Variants in TMEM38A observed in about 807,000 individuals in gnomAD.
TMEM38A encodes transmembrane protein 38A.
A neutral mutation model predicts 28.6 loss-of-function variants in TMEM38A; 17 were observed. That is an observed-to-expected ratio of 0.60 (90% CI 0.41 to 0.89). The LOEUF is 0.89. TMEM38A is among the 40% of genes least tolerant of loss of function. The pLI, the probability that TMEM38A is intolerant of heterozygous loss-of-function variation, is 0.00. For synonymous variants in TMEM38A, 169 were observed against 166.1 expected, an observed-to-expected ratio of 1.02 and a Z score of -0.14; for missense variants, 328 against 393.1, an observed-to-expected ratio of 0.83 and a Z score of 1.40.
intron 5 of TMEM38A, among the ~76,000 whole-genome samples, chr19:16,686,631 C>G (rs746886474): frequency 2.6e-5 from 4 of 152,056 alleles, no homozygotes; most frequent in Non-Finnish European, 4.4e-5. Context: ...AAGGACCCAG[C>G]CTGAGCCAGG....
intron 5 of TMEM38A, among the ~76,000 whole-genome samples, chr19:16,687,322 ACT>A (rs2086806048): frequency 6.6e-6 from 1 of 152,010 alleles, no homozygotes. Context: ...ACAAATTGAG[ACT>A]CTGTCTCAAA....
rs145844119 is a variant in TMEM38A at position 16,688,210 on chromosome 19, G to T, written c.739G>T (p.Val247Leu). 3.8e-6 allele frequency: 6 copies of T among 1,571,234 alleles called. No homozygotes were observed. The highest frequency in any genetic ancestry group is 5.2e-6 in the Non-Finnish European group (6 of 1,157,222). ...TGCCCTGGAGGGCTACATCTGCCCCGTGCTGTTTGGTTCGGCCTGCGGGGG... is the reference window on the plus strand; with the variant it reads ...TGCCCTGGAGGGCTACATCTGCCCCTTGCTGTTTGGTTCGGCCTGCGGGGG... ...FDALEGYICPVLFGSACGGDH... is the reference protein window; with the variant it reads ...FDALEGYICPLLFGSACGGDH... Residue 247 changes from valine (V) to leucine (L), a missense_variant, in exon 6 of 6, where the codon GTG becomes TTG. Physicochemically the swap from Val to Leu is conservative, Grantham distance 32. Transcript: ENST00000187762.
chr19:16,669,031 T>C (rs1274123381), intron 1 of TMEM38A, among the ~76,000 whole-genome samples: 1 of 151,952 alleles, frequency 6.6e-6, no homozygotes, highest in South Asian at 2.1e-4. Context: ...GGTTTCTCCA[T>C]GTTGGCCAGG....
intron 3 of TMEM38A, 85 bp from the exon 4 acceptor site, chr19:16,682,336 G>A: frequency 2.8e-6 from 3 of 1,088,718 alleles, no homozygotes; most frequent in South Asian, 2.5e-5. Context: ...TTCTGGGAGT[G>A]GAGAGACTGC....
chr19:16,669,820 C>T (rs990489513), intron 1 of TMEM38A, among the ~76,000 whole-genome samples: 1 of 152,124 alleles, frequency 6.6e-6, no homozygotes, highest in Non-Finnish European at 1.5e-5. Flanking sequence ...TAGTACCACC[C>T]AGTCATCTGC....
Position 16,672,593 on chromosome 19 carries a change from C to T in TMEM38A, c.125-7391C>T, listed in dbSNP as rs377158301. On this transcript the variant is annotated intron_variant, in intron 1 of 5. Coordinates refer to ENST00000187762, the MANE Select transcript of TMEM38A (RefSeq NM_024074.4). ...CTTCCCAAGTAGCTGAGATTACAGG[C>T]GCATGCCACCACGCCCGGCTACTTT... is the stretch of plus-strand genomic sequence containing the variant. Among the ~76,000 whole-genome samples, 21 of 150,816 alleles carry T rather than the reference C, an allele frequency of 1.4e-4. No individual in the cohort carries two copies. The East Asian group carries it at 3.1e-3, about 22-fold the overall frequency.
At chr19:16,683,351 G>T (rs1349055187) in intron 4 of TMEM38A, among the ~76,000 whole-genome samples, 1 of 151,978 alleles carries the variant, frequency 6.6e-6, no homozygotes. Context: ...CACTTTGGGA[G>T]GCCAAGCCTG....
At chr19:16,684,058 A>G (rs1394631799) in intron 4 of TMEM38A, among the ~76,000 whole-genome samples, 5 of 151,900 alleles carry the variant, frequency 3.3e-5, no homozygotes, top group Non-Finnish European at 1.5e-5. Flanking sequence ...TGAACCCGGG[A>G]GGCAGAGGTT....
chr19:16,684,992 T>C (rs1266279872), intron 4 of TMEM38A, among the ~76,000 whole-genome samples: 1 of 151,142 alleles, frequency 6.6e-6, no homozygotes, highest in East Asian at 1.9e-4. Flanking sequence ...GAAGTTACAG[T>C]GAGCCATGAT....
rs1264058348 is a variant in TMEM38A at position 16,661,391 on chromosome 19, C to CGGGGCAGCTCGGGGGTCGCAGAGA, written c.124+55_124+78dup. On this transcript the variant is annotated intron_variant, in intron 1 of 5. Coordinates refer to ENST00000187762, the MANE Select transcript of TMEM38A (RefSeq NM_024074.4). This position sits in a 1 kb window ranked among gnomAD's most constrained non-coding sequence, Gnocchi z 6.5. Reference sequence around the variant, plus strand: ...GGGACCGGCAGCGGGTGGCGCGGGCCGGGGCAGCTCGGGGGTCGCAGAGAG... The same window carrying CGGGGCAGCTCGGGGGTCGCAGAGA: ...GGGACCGGCAGCGGGTGGCGCGGGCCGGGGCAGCTCGGGGGTCGCAGAGAGGGGCAGCTCGGGGGTCGCAGAGAG... 1 of 1,398,470 alleles carries CGGGGCAGCTCGGGGGTCGCAGAGA rather than the reference C, an allele frequency of 7.2e-7. No homozygotes were observed. The allele number at this position is 1,398,470 out of a possible 1,614,324, so 86.6% of individuals were successfully genotyped here.
chr19:16,680,175 G>A (rs769920107), intron 2 of TMEM38A, 35 bp downstream of exon 2: 1 of 1,595,902 alleles, frequency 6.3e-7, no homozygotes. Context: ...GCAGAGCCGG[G>A]TGGGGGAAAC....
intron 1 of TMEM38A, among the ~76,000 whole-genome samples, chr19:16,662,277 C>T (rs984416745): frequency 4.6e-5 from 7 of 151,998 alleles, no homozygotes; most frequent in South Asian, 2.1e-4. Context: ...TAGCTTTATT[C>T]TCAGAGGATA....
Position 16,661,477 on chromosome 19 carries a change from A to T in TMEM38A, c.124+136A>T. 4.2e-6 allele frequency: 3 copies of T among 718,122 alleles called. No homozygotes were observed. The highest frequency in any genetic ancestry group is 6.1e-6 in the Non-Finnish European group (3 of 493,052). The allele number at this position is 718,122 out of a possible 1,614,324, so 44.5% of individuals were successfully genotyped here. The stretch of plus-strand genomic sequence containing the variant: ...GGTTCAAGGATTGCATCGTGGGAGT[A>T]GGCAGGCGCTAGAATCGTGGGGTTC... On this transcript the variant is annotated intron_variant, in intron 1 of 5. Transcript: ENST00000187762. The surrounding 1 kb of genome is among the most constrained non-coding windows in gnomAD (Gnocchi z 6.5).
At chr19:16,686,952 G>C (rs2086804478) in intron 5 of TMEM38A, among the ~76,000 whole-genome samples, 1 of 152,162 alleles carries the variant, frequency 6.6e-6, no homozygotes, top group Non-Finnish European at 1.5e-5. Flanking sequence ...GTCCTGCTAT[G>C]TTTGTAGCTC....
intron 5 of TMEM38A, among the ~76,000 whole-genome samples, chr19:16,686,940 C>A (rs2086804399): frequency 1.3e-5 from 2 of 152,266 alleles, no homozygotes; most frequent in Admixed American, 1.3e-4. Context: ...GGCTGGGATC[C>A]TGTCCTGCTA....
At position 16,661,695 on chromosome 19, in the gene TMEM38A, C is replaced by T. The variant is rs1568311538; in HGVS notation, c.124+354C>T. On this transcript the variant is annotated intron_variant, in intron 1 of 5. Transcript: ENST00000187762. The surrounding 1 kb of genome is among the most constrained non-coding windows in gnomAD (Gnocchi z 6.5). ...AGGGTGCAGGTGGGGGTCGGTGCAT[C>T]TGTTCTGGCCGCGCGCAGGTGTGAC... is the stretch of plus-strand genomic sequence containing the variant. Among the ~76,000 whole-genome samples, 1 of 152,004 alleles carries T rather than the reference C, an allele frequency of 6.6e-6. No homozygotes were observed. Among genetic ancestry groups the T allele is most frequent in the Non-Finnish European group, 1.5e-5 (1 of 67,982 alleles).
intron 4 of TMEM38A, among the ~76,000 whole-genome samples, chr19:16,683,338 C>G (rs991784721): frequency 1.1e-4 from 16 of 151,922 alleles, no homozygotes; most frequent in African/African-American, 3.9e-4. Flanking sequence ...CCTGTAATCT[C>G]TGCACTTTGG....
chr19:16,662,436 CTTT>C (rs35226829), intron 1 of TMEM38A, among the ~76,000 whole-genome samples: 30 of 75,832 alleles, frequency 4.0e-4, no homozygotes, highest in Middle Eastern at 0.013. Context: ...TAAATGCACG[CTTT>C]TTTTTTTTTT....
At chr19:16,681,126 G>A (rs914442318) in intron 3 of TMEM38A, among the ~76,000 whole-genome samples, 8 of 152,024 alleles carry the variant, frequency 5.3e-5, no homozygotes, top group African/African-American at 9.7e-5. Context: ...AGACCCTTTC[G>A]TGTGCAGAAA....
Sources: allele counts gnomAD v4.1 joint callset (sites outside exome capture counted in the v4.1 genomes callset), GRCh38; gene constraint gnomAD v4.1.1; non-coding constraint Gnocchi (gnomAD v3.1); transcripts MANE v1.5; gene names NCBI Gene and HGNC (gene_info 2026-07-23, HGNC 2026-07-21).